Variants in CNTNAP5 observed in about 807,000 individuals in gnomAD.
The protein encoded by CNTNAP5 is contactin-associated protein-like 5.
In CNTNAP5, 72 loss-of-function variants were observed where a neutral mutation model predicts 150.2. The ratio of observed to expected loss-of-function variants is 0.48; its 90% CI spans 0.40 to 0.58. The LOEUF (loss-of-function observed/expected upper bound fraction) is 0.58, where lower values mean the gene tolerates loss of function less well. Among genes scored for constraint, CNTNAP5 ranks in the 20% least tolerant of loss-of-function variants. The pLI is 0.00. For missense variants in CNTNAP5, 1,636 were observed against 1,626.2 expected (o/e 1.01, Z -0.10); for synonymous variants, 672 against 619.8 (o/e 1.08, Z -1.25).
At chr2:124,783,774 A>G (rs750779143) in intron 17 of CNTNAP5, among the ~76,000 whole-genome samples, 1 of 152,086 alleles carries the variant, frequency 6.6e-6, no homozygotes. Flanking sequence ...CACTATTATT[A>G]TTTTACCTTT....
intron 10 of CNTNAP5, 56 bp from the exon 11 acceptor site, chr2:124,563,161 C>T: frequency 1.7e-6 from 2 of 1,201,814 alleles, no homozygotes; most frequent in Non-Finnish European, 2.4e-6. Context: ...TTTGCTTTCC[C>T]CTTTCTGCCA....
At chr2:124,196,491 A>G (rs1685590614) in intron 1 of CNTNAP5, among the ~76,000 whole-genome samples, 1 of 152,198 alleles carries the variant, frequency 6.6e-6, no homozygotes, top group Non-Finnish European at 1.5e-5. Context: ...AGCAATTCCT[A>G]ATTATTGTTG....
chr2:124,256,625 C>A (rs1176358094), intron 3 of CNTNAP5, among the ~76,000 whole-genome samples: 1 of 152,014 alleles, frequency 6.6e-6, no homozygotes, highest in African/African-American at 2.4e-5. Context: ...TTATTAAAAG[C>A]AAAATGAGTT....
intron 3 of CNTNAP5, among the ~76,000 whole-genome samples, chr2:124,390,848 TG>T (rs1380424979): frequency 1.3e-5 from 2 of 152,238 alleles, no homozygotes; most frequent in Non-Finnish European, 2.9e-5. Flanking sequence ...ACAATATTTT[TG>T]TACAACATTC....
At position 124,885,549 on chromosome 2, in the gene CNTNAP5, T is replaced by TCACACACACA. The variant is rs3980831; in HGVS notation, c.3436+15818_3436+15827dup. 2.6e-3 allele frequency among the ~76,000 whole-genome samples: 371 copies of TCACACACACA among 145,362 alleles called. 1 individual carries two copies. Among genetic ancestry groups the TCACACACACA allele is most frequent in the South Asian group, 0.021 (93 of 4,460 alleles). On this transcript the variant is annotated intron_variant, in intron 21 of 23. Coordinates refer to ENST00000682447, the MANE Select transcript of CNTNAP5 (RefSeq NM_001367498.1). Reference sequence around the variant, plus strand: ...TCTATCTAGCTCCAAAACATTTTCATCACACACACACACACACACACACAC... The same window carrying TCACACACACA: ...TCTATCTAGCTCCAAAACATTTTCATCACACACACACACACACACACACACACACACACAC...
intron 17 of CNTNAP5, among the ~76,000 whole-genome samples, chr2:124,774,276 A>G (rs894002578): frequency 2.0e-5 from 3 of 152,092 alleles, no homozygotes; most frequent in African/African-American, 7.2e-5. Flanking sequence ...TGCCACCAGC[A>G]TTCAATGGAA....
intron 1 of CNTNAP5, among the ~76,000 whole-genome samples, chr2:124,216,949 C>T (rs1473501459): frequency 6.6e-6 from 1 of 152,058 alleles, no homozygotes; most frequent in African/African-American, 2.4e-5. Flanking sequence ...GTTCTAGATC[C>T]CTGAGGAATC....
At chr2:124,336,120 A>G (rs1410766985) in intron 3 of CNTNAP5, among the ~76,000 whole-genome samples, 1 of 152,044 alleles carries the variant, frequency 6.6e-6, no homozygotes, top group African/African-American at 2.4e-5. Flanking sequence ...CAAAGAGCAG[A>G]TAACAGATTT....
chr2:124,156,052 G>A (rs1267221748), intron 1 of CNTNAP5, among the ~76,000 whole-genome samples: 1 of 152,188 alleles, frequency 6.6e-6, no homozygotes. Flanking sequence ...AAGGGTTCAG[G>A]GTGAGGGTAG....
At chr2:124,658,921 C>G (rs563263043) in intron 13 of CNTNAP5, among the ~76,000 whole-genome samples, 1 of 152,262 alleles carries the variant, frequency 6.6e-6, no homozygotes, top group African/African-American at 2.4e-5. Context: ...TTCTTCACAC[C>G]TGAGTCCTCA....
At chr2:124,472,762 G>A (rs546918067) in intron 6 of CNTNAP5, among the ~76,000 whole-genome samples, 2 of 151,680 alleles carry the variant, frequency 1.3e-5, no homozygotes, top group African/African-American at 4.8e-5. Flanking sequence ...CATTATATTT[G>A]AAATATATAT....
intron 18 of CNTNAP5, among the ~76,000 whole-genome samples, chr2:124,796,081 G>A (rs538040463): frequency 2.6e-5 from 4 of 152,168 alleles, no homozygotes; most frequent in African/African-American, 9.6e-5. Context: ...AAGAATAATA[G>A]AGTCCAGCTG....
chr2:124,914,254 C>G lies in CNTNAP5; in HGVS notation c.3890C>G (p.Thr1297Arg), dbSNP rs1678716252. The G allele has an allele frequency of 6.2e-7, 1 of 1,612,106 alleles. No individual in the cohort carries two copies. The highest frequency in any genetic ancestry group is 8.5e-7 in the Non-Finnish European group (1 of 1,178,818). The change falls in exon 24 of 24, where the codon ACA becomes AGA. Residue 1297 changes from threonine (T) to arginine (R), a missense_variant. Coordinates refer to ENST00000682447, the MANE Select transcript of CNTNAP5 (RefSeq NM_001367498.1). ...SFRNEIDLQN[T>R]VSECKREYFI ...AGAAATGAAATTGACTTGCAAAACACAGTGAGCGAGTGTAAACGGGAATAT... is the reference window on the plus strand; with the variant it reads ...AGAAATGAAATTGACTTGCAAAACAGAGTGAGCGAGTGTAAACGGGAATAT...
intron 19 of CNTNAP5, among the ~76,000 whole-genome samples, chr2:124,840,547 G>A (rs1464559253): frequency 6.6e-6 from 1 of 152,050 alleles, no homozygotes; most frequent in African/African-American, 2.4e-5. Flanking sequence ...CTGGCTGGCT[G>A]CAACTAACAA....
chr2:124,266,415 A>T (rs1312168545), intron 3 of CNTNAP5, among the ~76,000 whole-genome samples: 1 of 152,162 alleles, frequency 6.6e-6, no homozygotes, highest in African/African-American at 2.4e-5. Context: ...TTAGAAACCG[A>T]TTTGACTCTA....
intron 11 of CNTNAP5, among the ~76,000 whole-genome samples, chr2:124,577,652 G>A (rs1696315435): frequency 1.3e-5 from 2 of 152,258 alleles, no homozygotes; most frequent in South Asian, 2.1e-4. Context: ...AATAATGCAA[G>A]ATTGTACATG....
chr2:124,776,827 G>T (rs541656940), intron 17 of CNTNAP5, among the ~76,000 whole-genome samples: 1 of 152,074 alleles, frequency 6.6e-6, no homozygotes, highest in South Asian at 2.1e-4. Context: ...TGACATCAAC[G>T]GTGAAACAAA....
chr2:124,264,171 A>C (rs1266498655), intron 3 of CNTNAP5, among the ~76,000 whole-genome samples: 1 of 152,168 alleles, frequency 6.6e-6, no homozygotes, highest in Non-Finnish European at 1.5e-5. Context: ...CTGGATGCTC[A>C]AACCGTGGGT....
At chr2:124,665,677 G>C (rs937776382) in intron 13 of CNTNAP5, among the ~76,000 whole-genome samples, 3 of 152,086 alleles carry the variant, frequency 2.0e-5, no homozygotes, top group African/African-American at 4.8e-5. Context: ...ACAAGGTCAG[G>C]AGATCGAGAC....
Sources: gnomAD v4.1 joint callset for allele counts (sites outside exome capture counted in the v4.1 genomes callset) on GRCh38, gnomAD v4.1.1 for gene constraint, MANE v1.5 for transcripts, NCBI Gene and HGNC (gene_info 2026-07-23, HGNC 2026-07-21) for gene names.